ASPM: variants seen among roughly 807,000 people sequenced by gnomAD.
ASPM encodes abnormal spindle-like microcephaly-associated protein.
Under a neutral mutation model 366.4 loss-of-function variants are expected in ASPM, and 256 were observed. The observed-to-expected ratio is 0.70, with a 90% CI of 0.63 to 0.77. The LOEUF (loss-of-function observed/expected upper bound fraction) is 0.77, where lower values mean the gene tolerates loss of function less well. ASPM is among the 30% of genes least tolerant of loss of function. The pLI is 0.00. For missense variants in ASPM, 4,146 were observed against 4,090.4 expected, an observed-to-expected ratio of 1.01 and a Z score of -0.37; for synonymous variants, 1,414 against 1,342.9, an observed-to-expected ratio of 1.05 and a Z score of -1.16.
Position 197,101,023 on chromosome 1 carries a change from C to A in ASPM, c.8228G>T (p.Arg2743Leu). 1 of 1,612,120 alleles carries A rather than the reference C, an allele frequency of 6.2e-7. No homozygotes were observed. The highest frequency in any genetic ancestry group is 8.5e-7 in the Non-Finnish European group (1 of 1,178,984). Residue 2743 changes from arginine to leucine, a missense_variant, in exon 18 of 28, where the codon CGA becomes CTA. Physicochemically the swap from Arg to Leu is moderately radical, Grantham distance 102. Coordinates refer to ENST00000367409, the MANE Select transcript of ASPM (RefSeq NM_018136.5). ...KNFLAVQKSV[R>L]TIQAAFRGMK... ...GCCTCTAAAAGCAGCCTGAATAGTT[C>A]GTACAGATTTCTGAACTGCTAAAAA...
At position 197,128,569 on chromosome 1, in the gene ASPM, G is replaced by A. The variant is rs1658161579; in HGVS notation, c.2857C>T (p.His953Tyr). 1.2e-6 allele frequency: 2 copies of A among 1,613,504 alleles called. No individual in the cohort carries two copies. ...AATTCATCAAATGGTGTCTGAACAT[G>A]GTTAACAGGTAATCCCAATAAGCCA... ...HLGLLGLPVN[H>Y]VQTPFDEFDF... is the part of the protein sequence containing the mutation. The change falls in exon 10 of 28, where the codon CAT (histidine) becomes TAT (tyrosine). Residue 953 changes from histidine (H) to tyrosine (Y), a missense_variant. Around this residue, in one of 3 missense-constraint regions of ASPM, gnomAD observed 3,624 missense variants for 3,591.7 expected, o/e 1.01. Transcript: ENST00000367409.
chr1:197,106,784 C>T (rs1395389140), intron 17 of ASPM, among the ~76,000 whole-genome samples: 1 of 152,032 alleles, frequency 6.6e-6, no homozygotes, highest in East Asian at 1.9e-4. Context: ...GGCATTGTTT[C>T]TTCACTTAAA....
At chr1:197,125,681 T>C (rs1222708880) in intron 10 of ASPM, among the ~76,000 whole-genome samples, 1 of 152,078 alleles carries the variant, frequency 6.6e-6, no homozygotes, top group Non-Finnish European at 1.5e-5. Flanking sequence ...GAGCTGGTAA[T>C]GGCAAAACTA....
intron 1 of ASPM, 47 bp downstream of exon 1, chr1:197,146,094 C>T: frequency 6.2e-7 from 1 of 1,610,856 alleles, no homozygotes; most frequent in Non-Finnish European, 8.5e-7. Flanking sequence ...GGAAAGATAG[C>T]GGAGAAGCAG....
Position 197,122,239 on chromosome 1 carries a change from T to G in ASPM, c.3661A>C (p.Arg1221=). The change falls in exon 15 of 28, where the codon AGG becomes CGG. Residue 1221 remains arginine (R), a synonymous_variant. Coordinates refer to ENST00000367409, the MANE Select transcript of ASPM (RefSeq NM_018136.5). ...CCACCAAGGTCTCTAACTGCAGACC[T>G]AACCAAGTGAAAATTTTTCTTTTCA... The part of the protein sequence containing the change: ...ENEKKNFHLV[R]SAVRDLGGIP... The G allele has an allele frequency of 1.2e-6, 2 of 1,613,048 alleles. No homozygotes were observed. Among genetic ancestry groups the G allele is most frequent in the Non-Finnish European group, 1.7e-6 (2 of 1,179,152 alleles).
Position 197,124,856 on chromosome 1 carries a change from C to A in ASPM, c.3168+14G>T. The A allele has an allele frequency of 6.4e-7, 1 of 1,569,506 alleles. No homozygotes were observed. The highest frequency in any genetic ancestry group is 1.1e-5 in the South Asian group (1 of 89,990). ...AATTGATAAAAAATACAAGATGTACCAAATGTATAATACCTGAAAAGCAAA... is the reference window on the plus strand; with the variant it reads ...AATTGATAAAAAATACAAGATGTACAAAATGTATAATACCTGAAAAGCAAA... On this transcript the variant is annotated intron_variant, in intron 12 of 27. Transcript: ENST00000367409.
intron 13 of ASPM, 55 bp from the exon 14 acceptor site, chr1:197,122,650 T>A: frequency 6.8e-7 from 1 of 1,468,394 alleles, no homozygotes. Flanking sequence ...AGTATAGACA[T>A]AATGGTTTGC....
rs145625555 is a variant in ASPM at position 197,142,385 on chromosome 1, G to T, written c.1867C>A (p.Pro623Thr). ...CTGTTGCTAATACGTTTTGAGATGGGTGTTGTCACATTTTTTGTTTTCTTA... is the reference window on the plus strand; with the variant it reads ...CTGTTGCTAATACGTTTTGAGATGGTTGTTGTCACATTTTTTGTTTTCTTA... ...AVKKTKNVTT[P>T]ISKRISNREK... Residue 623 changes from proline to threonine, a missense_variant, in exon 3 of 28, where the codon CCC (proline) becomes ACC (threonine). By Grantham distance (38) the Pro-to-Thr change is conservative. This residue lies in a region of ASPM where 3,624 missense variants were observed against 3,591.7 expected (regional missense o/e 1.01). Coordinates refer to ENST00000367409, the MANE Select transcript of ASPM (RefSeq NM_018136.5). 56 of 1,613,866 alleles carry T rather than the reference G, an allele frequency of 3.5e-5. No homozygotes were observed. In the African/African-American group the frequency reaches 6.3e-4, roughly 18 times the overall value.
intron 10 of ASPM, among the ~76,000 whole-genome samples, chr1:197,127,998 T>C (rs1280752671): frequency 6.6e-6 from 1 of 151,952 alleles, no homozygotes; most frequent in Non-Finnish European, 1.5e-5. Context: ...ACCCCGTCTC[T>C]ACTAAAAATA....
In ASPM at chr1:197,103,987, A is replaced by T. The variant is rs776605087; in HGVS notation, c.5264T>A (p.Val1755Asp). The change falls in exon 18 of 28, where the codon GTT becomes GAT. Residue 1755 changes from valine (V) to aspartate (D), a missense_variant. By Grantham distance (152) the Val-to-Asp change is radical (BLOSUM62 -3). Around this residue, in one of 3 missense-constraint regions of ASPM, gnomAD observed 3,624 missense variants for 3,591.7 expected, o/e 1.01. Coordinates refer to ENST00000367409, the MANE Select transcript of ASPM (RefSeq NM_018136.5). ...TCTGAAATAAGACTGTAGTGAAATA[A>T]CAGCTTTTCTTTGTAACCTCATCTG... ...RKQMRLQRKA[V>D]ISLQSYFRMR... is the part of the protein sequence containing the mutation. 1.2e-6 allele frequency: 2 copies of T among 1,612,476 alleles called. No individual in the cohort carries two copies. Among genetic ancestry groups the T allele is most frequent in the Non-Finnish European group, 1.7e-6 (2 of 1,179,370 alleles).
At chr1:197,118,044 T>C (rs1657795408) in intron 16 of ASPM, 61 bp from the exon 17 acceptor site, 1 of 1,464,374 alleles carries the variant, frequency 6.8e-7, no homozygotes, top group Non-Finnish European at 9.5e-7. Context: ...AAATTATTCT[T>C]TGTAAGATAA....
intron 18 of ASPM, among the ~76,000 whole-genome samples, chr1:197,099,187 T>A (rs1398559763): frequency 6.6e-6 from 1 of 151,566 alleles, no homozygotes; most frequent in Non-Finnish European, 1.5e-5. Context: ...CTAGTCTTGC[T>A]CCTTTTCCAG....
chr1:197,142,278 G>A, intron 3 of ASPM, 53 bp downstream of exon 3: 2 of 1,563,582 alleles, frequency 1.3e-6, no homozygotes, highest in East Asian at 4.5e-5. Context: ...TAAACCAAAA[G>A]GAAGTATCCC....
intron 4 of ASPM, 67 bp downstream of exon 4, chr1:197,139,700 G>T: frequency 8.4e-7 from 1 of 1,193,544 alleles, no homozygotes; most frequent in Non-Finnish European, 1.3e-6. Flanking sequence ...TCATTTCCAT[G>T]TGAAATGCAA....
chr1:197,129,403 G>A, intron 8 of ASPM, 86 bp from the exon 9 acceptor site: 1 of 1,444,410 alleles, frequency 6.9e-7, no homozygotes, highest in East Asian at 2.4e-5. Flanking sequence ...ATAATAAGGT[G>A]TTAGTAAAAC....
chr1:197,096,428 A>C (rs1468695808), intron 18 of ASPM, among the ~76,000 whole-genome samples: 1 of 151,774 alleles, frequency 6.6e-6, no homozygotes, highest in Non-Finnish European at 1.5e-5. Flanking sequence ...CCTAACCAGT[A>C]TTTATAAATT....
At chr1:197,135,058 A>G (rs1458610567) in intron 5 of ASPM, 38 bp downstream of exon 5, 2 of 1,385,044 alleles carry the variant, frequency 1.4e-6, no homozygotes, top group Admixed American at 3.8e-5. Flanking sequence ...TTATCTGTTA[A>G]AAGTATTATT....
intron 26 of ASPM, among the ~76,000 whole-genome samples, chr1:197,087,829 T>G (rs929693238): frequency 6.6e-6 from 1 of 152,186 alleles, no homozygotes; most frequent in Non-Finnish European, 1.5e-5. Context: ...GGTTCCCACT[T>G]ACCAGGATAA....
rs563192034 is a variant in ASPM at position 197,101,793 on chromosome 1, G to A, written c.7458C>T (p.Leu2486=). 1.2e-6 allele frequency: 2 copies of A among 1,612,768 alleles called. No individual in the cohort carries two copies. Among genetic ancestry groups the A allele is most frequent in the Admixed American group, 1.7e-5 (1 of 59,804 alleles). ...TGTACATCCTGAAAGTAGCCTGAAT[G>A]AGAACTGCAGCCCTTTGCATTTCTT... is the stretch of plus-strand genomic sequence containing the variant. The part of the protein sequence containing the change: ...KLQEMQRAAV[L]IQATFRMYRT... The change falls in exon 18 of 28, where the codon CTC becomes CTT. Residue 2486 remains leucine (L), a synonymous_variant. Transcript: ENST00000367409.
Sources: gnomAD v4.1 joint callset for allele counts (sites outside exome capture counted in the v4.1 genomes callset) on GRCh38, gnomAD v4.1.1 for gene constraint, gnomAD v4.1.1 regional missense constraint, MANE v1.5 for transcripts, NCBI Gene and HGNC (gene_info 2026-07-23, HGNC 2026-07-21) for gene names.